WDFY3: variants seen among roughly 807,000 people sequenced by gnomAD.
The protein encoded by WDFY3 is WD repeat and FYVE domain-containing protein 3.
WDFY3 carries 66 observed loss-of-function variants against 409.6 expected under a neutral mutation model. The ratio of observed to expected loss-of-function variants is 0.16; its 90% confidence interval spans 0.13 to 0.20. WDFY3 has a LOEUF of 0.20. Among genes scored for constraint, WDFY3 ranks in the 10% least tolerant of loss-of-function variants. WDFY3 has a pLI of 1.00. For synonymous variants in WDFY3, 1,521 were observed against 1,537.1 expected (o/e 0.99, Z 0.25); for missense variants, 3,031 against 4,298.1 (o/e 0.71, Z 8.24).
intron 7 of WDFY3, among the ~76,000 whole-genome samples, chr4:84,833,015 A>C (rs1405041733): frequency 6.6e-6 from 1 of 152,006 alleles, no homozygotes; most frequent in African/African-American, 2.4e-5. Context: ...AATAATCTTC[A>C]TTTCAGAGTA....
intron 30 of WDFY3, among the ~76,000 whole-genome samples, chr4:84,768,111 A>C (rs1744009815): frequency 6.6e-6 from 1 of 152,200 alleles, no homozygotes; most frequent in African/African-American, 2.4e-5. Flanking sequence ...AGAAAAAACA[A>C]AGAAAAGCTG....
At chr4:84,689,577 G>A (rs927231511) in intron 61 of WDFY3, among the ~76,000 whole-genome samples, 1 of 152,086 alleles carries the variant, frequency 6.6e-6, no homozygotes, top group Non-Finnish European at 1.5e-5. Flanking sequence ...ACTGAACAGG[G>A]GTTCAATTTT....
chr4:84,715,467 C>T (rs1733700381), intron 49 of WDFY3, 84 bp from the exon 50 acceptor site: 1 of 858,864 alleles, frequency 1.2e-6, no homozygotes, highest in Non-Finnish European at 1.9e-6. Flanking sequence ...CTATAAATTT[C>T]TACAATGTTC....
intron 24 of WDFY3, among the ~76,000 whole-genome samples, chr4:84,784,856 A>ATGTG (rs1362352399): frequency 1.2e-3 from 61 of 51,172 alleles, no homozygotes; most frequent in African/African-American, 3.4e-3. Flanking sequence ...AAAAGTGTAT[A>ATGTG]TGTATATATA....
At chr4:84,694,637 T>TA (rs2148878881) in intron 58 of WDFY3, among the ~76,000 whole-genome samples, 1 of 152,274 alleles carries the variant, frequency 6.6e-6, no homozygotes, top group Admixed American at 6.5e-5. Flanking sequence ...CATTTTGCTT[T>TA]AAAAGTAAAC....
intron 14 of WDFY3, 128 bp from the exon 15 acceptor site, chr4:84,808,545 G>T: frequency 1.5e-6 from 1 of 667,078 alleles, no homozygotes. Flanking sequence ...ATATTCAGCA[G>T]GAACAAGGAA....
chr4:84,888,477 T>C (rs1578995805), intron 3 of WDFY3, among the ~76,000 whole-genome samples: 1 of 152,148 alleles, frequency 6.6e-6, no homozygotes, highest in East Asian at 1.9e-4. Context: ...ATATCAAGAG[T>C]ACTTAACTAT....
chr4:84,886,855 C>T (rs2150462075), intron 3 of WDFY3, among the ~76,000 whole-genome samples: 1 of 152,238 alleles, frequency 6.6e-6, no homozygotes. Flanking sequence ...CCTAGATTTG[C>T]CTCTAATAAA....
intron 4 of WDFY3, among the ~76,000 whole-genome samples, chr4:84,858,671 A>G (rs1416083121): frequency 6.6e-6 from 1 of 152,036 alleles, no homozygotes; most frequent in Non-Finnish European, 1.5e-5. Context: ...CAAAATAATG[A>G]GAAGAGGAAG....
intron 36 of WDFY3, among the ~76,000 whole-genome samples, chr4:84,747,738 C>T (rs776438183): frequency 3.3e-5 from 5 of 151,964 alleles, no homozygotes; most frequent in Non-Finnish European, 7.4e-5. Flanking sequence ...GGGGTTTTCC[C>T]CTACTTCATT....
chr4:84,918,838 T>TATAC lies in WDFY3; in HGVS notation c.-132+13431_-132+13432insGTAT, dbSNP rs1554016965. On this transcript the variant is annotated intron_variant, in intron 2 of 67. Coordinates refer to ENST00000295888, the MANE Select transcript of WDFY3 (RefSeq NM_014991.6). ...GTGTATATATATATAGATATATATA[T>TATAC]ACACACACACACATATATATATATA... Among the ~76,000 whole-genome samples the TATAC allele has an allele frequency of 1.2e-3, 187 of 149,906 alleles. 2 individuals are homozygous for TATAC. The highest frequency in any genetic ancestry group is 3.8e-3 in the African/African-American group (153 of 40,558).
rs763322250 is a variant in WDFY3 at position 84,682,457 on chromosome 4, T to G, written c.9740A>C (p.Glu3247Ala). ...TGGTGTTTCAGGAACTTGCAAAAATTCCATTCTCCAAAACTAAATTTAAAT... is the reference window on the plus strand; with the variant it reads ...TGGTGTTTCAGGAACTTGCAAAAATGCCATTCTCCAAAACTAAATTTAAAT... ...SDGVVRFWRM[E>A]FLQVPETPAP... Residue 3247 changes from glutamate to alanine, a missense_variant, in exon 64 of 68, where the codon GAA becomes GCA. Coordinates refer to ENST00000295888, the MANE Select transcript of WDFY3 (RefSeq NM_014991.6). 1 of 1,613,460 alleles carries G rather than the reference T, an allele frequency of 6.2e-7. No individual in the cohort carries two copies. The highest frequency in any genetic ancestry group is 1.7e-5 in the Admixed American group (1 of 60,002).
intron 2 of WDFY3, among the ~76,000 whole-genome samples, chr4:84,914,830 G>C (rs1021826984): frequency 2.6e-5 from 4 of 152,104 alleles, no homozygotes; most frequent in African/African-American, 9.7e-5. Context: ...CAGCAATTCT[G>C]TTTTCAAAAG....
At chr4:84,699,933 A>G (rs1730809687) in intron 56 of WDFY3, among the ~76,000 whole-genome samples, 1 of 151,134 alleles carries the variant, frequency 6.6e-6, no homozygotes, top group Non-Finnish European at 1.5e-5. Context: ...GAGTTATAAA[A>G]GTTGTTTATA....
At chr4:84,965,615 C>CACATCCCT (rs1775545308) in intron 1 of WDFY3, 1 of 152,094 alleles carries the variant, frequency 6.6e-6, no homozygotes, top group Non-Finnish European at 1.5e-5. Flanking sequence ...ACCACATCCC[C>CACATCCCT]AGTACAAGAG....
chr4:84,950,415 T>TAA (rs74222011), intron 1 of WDFY3, among the ~76,000 whole-genome samples: 6 of 131,852 alleles, frequency 4.6e-5, no homozygotes, highest in African/African-American at 1.4e-4. Flanking sequence ...TAAAGTTTAA[T>TAA]AAAAAAAAAA....
At chr4:84,960,034 A>G (rs1561168430) in intron 1 of WDFY3, among the ~76,000 whole-genome samples, 2 of 152,152 alleles carry the variant, frequency 1.3e-5, no homozygotes, top group Non-Finnish European at 1.5e-5. Context: ...ACCAAAAAAT[A>G]CCTCAATAGT....
Position 84,704,322 on chromosome 4 carries a change from A to G in WDFY3, c.8442+16T>C, listed in dbSNP as rs749558741. On this transcript the variant is annotated intron_variant, in intron 55 of 67. Transcript: ENST00000295888. ...GGCTTGTATAAAATAGAAAAACCCCAAATTTAAAGTTTTACCTGTAGCCTT... is the reference window on the plus strand; with the variant it reads ...GGCTTGTATAAAATAGAAAAACCCCGAATTTAAAGTTTTACCTGTAGCCTT... 9 of 1,562,816 alleles carry G rather than the reference A, an allele frequency of 5.8e-6. No individual in the cohort carries two copies. In the Admixed American group the frequency reaches 1.8e-4, roughly 31 times the overall value.
chr4:84,671,141 C>T lies in WDFY3; in HGVS notation c.*1727G>A, dbSNP rs1244874659. 1 of 152,508 alleles carries T rather than the reference C, an allele frequency of 6.6e-6. No individual in the cohort carries two copies. Among genetic ancestry groups the T allele is most frequent in the African/African-American group, 2.4e-5 (1 of 41,436 alleles). 9.4% of individuals were successfully genotyped at this position (152,508 alleles called of 1,614,324 possible). ...GACCTAGTTATCATATCAGGAAGAA[C>T]AAATTTGTTCTTAAGCTGGTTTCAG... On this transcript the variant is annotated 3_prime_UTR_variant, in exon 68 of 68. Coordinates refer to ENST00000295888, the MANE Select transcript of WDFY3 (RefSeq NM_014991.6).
Sources: allele counts gnomAD v4.1 joint callset (sites outside exome capture counted in the v4.1 genomes callset), GRCh38; gene constraint gnomAD v4.1.1; transcripts MANE v1.5; gene names NCBI Gene and HGNC (gene_info 2026-07-23, HGNC 2026-07-21).